Variants in DTNBP1 observed in about 807,000 individuals in gnomAD.
DTNBP1 encodes dystrobrevin binding protein 1.
In DTNBP1, 35 loss-of-function variants were observed where a neutral mutation model predicts 42.8. The observed-to-expected ratio is 0.82, with a 90% confidence interval of 0.63 to 1.09. The LOEUF (loss-of-function observed/expected upper bound fraction) is 1.09. Ranked by LOEUF, DTNBP1 falls within the 50% of genes least tolerant of loss-of-function variation. The probability of loss-of-function intolerance (pLI) is 0.00; values close to 1 mark genes in which losing one functional copy is unlikely to be tolerated. For missense variants in DTNBP1, 457 were observed against 424.2 expected, an observed-to-expected ratio of 1.08 and a Z score of -0.68; for synonymous variants, 171 against 162.2, an observed-to-expected ratio of 1.05 and a Z score of -0.41.
intron 7 of DTNBP1, among the ~76,000 whole-genome samples, chr6:15,539,714 C>T (rs764050581): frequency 2.7e-4 from 41 of 152,310 alleles, no homozygotes; most frequent in South Asian, 4.1e-4. Context: ...CCTGGTACGA[C>T]GGCACATCCT....
chr6:15,562,750 A>G (rs1405820337), intron 7 of DTNBP1, among the ~76,000 whole-genome samples: 1 of 152,186 alleles, frequency 6.6e-6, no homozygotes, highest in Non-Finnish European at 1.5e-5. Context: ...ATAATCTCTG[A>G]CCATGCAGTA....
chr6:15,543,102 A>C (rs1773672761), intron 7 of DTNBP1, among the ~76,000 whole-genome samples: 1 of 152,164 alleles, frequency 6.6e-6, no homozygotes, highest in Admixed American at 6.5e-5. Flanking sequence ...AATAGGGTGA[A>C]AGTCCCTATT....
intron 1 of DTNBP1, 39 bp downstream of exon 1, chr6:15,662,775 C>T: frequency 6.2e-7 from 1 of 1,611,408 alleles, no homozygotes. Flanking sequence ...GGCGGCCCGG[C>T]CCCCTCAGGT....
At chr6:15,580,482 T>G (rs753658984) in intron 7 of DTNBP1, among the ~76,000 whole-genome samples, 2 of 152,210 alleles carry the variant, frequency 1.3e-5, no homozygotes, top group Non-Finnish European at 2.9e-5. Context: ...AAGTTATGCT[T>G]AGCATAAAAC....
At chr6:15,633,325 C>T (rs147581080) in intron 4 of DTNBP1, among the ~76,000 whole-genome samples, 2 of 152,248 alleles carry the variant, frequency 1.3e-5, no homozygotes, top group Non-Finnish European at 2.9e-5. Context: ...TTGATCTGAG[C>T]AAACTAAATT....
At chr6:15,524,162 G>A (rs1168055567) in intron 9 of DTNBP1, 6 of 1,429,822 alleles carry the variant, frequency 4.2e-6, no homozygotes, top group Non-Finnish European at 5.6e-6. Flanking sequence ...AGAGGGAAGA[G>A]TTTCCCGTGA....
rs148327644 is a variant in DTNBP1 at position 15,638,278 on chromosome 6, C to T, written c.162-474G>A. On this transcript the variant is annotated intron_variant, in intron 3 of 9. Coordinates refer to ENST00000344537, the MANE Select transcript of DTNBP1 (RefSeq NM_032122.5). The stretch of plus-strand genomic sequence containing the variant: ...GAGTAGCTGGGATTACAGGTGTGTG[C>T]CACCACGCCCTGCTAATTTTTGTAT... Among the ~76,000 whole-genome samples the T allele has an allele frequency of 7.4e-3, 1,121 of 152,140 alleles. 21 individuals carry two copies. Among genetic ancestry groups the T allele is most frequent in the African/African-American group, 0.026 (1,063 of 41,482 alleles).
At chr6:15,600,087 C>T (rs1473988879) in intron 6 of DTNBP1, among the ~76,000 whole-genome samples, 1 of 151,904 alleles carries the variant, frequency 6.6e-6, no homozygotes, top group African/African-American at 2.4e-5. Flanking sequence ...AAATATATTC[C>T]TGATCAAGCG....
chr6:15,609,643 C>T (rs73371573), intron 6 of DTNBP1, among the ~76,000 whole-genome samples: 16,144 of 152,104 alleles, frequency 0.11, 944 homozygotes, highest in Middle Eastern at 0.22. Flanking sequence ...TCTTCTGCTC[C>T]TCAGTCTCTC....
intron 4 of DTNBP1, among the ~76,000 whole-genome samples, chr6:15,633,858 T>A (rs185260346): frequency 6.6e-6 from 1 of 152,198 alleles, no homozygotes; most frequent in Non-Finnish European, 1.5e-5. Context: ...GCTCAGGCAA[T>A]TGTCAGCATT....
chr6:15,602,242 C>T (rs1273224516), intron 6 of DTNBP1, among the ~76,000 whole-genome samples: 3 of 152,010 alleles, frequency 2.0e-5, no homozygotes, highest in South Asian at 2.1e-4. Context: ...ATAGAAAAAA[C>T]GGGGCCAACA....
intron 1 of DTNBP1, among the ~76,000 whole-genome samples, chr6:15,662,290 G>A (rs1183672206): frequency 1.3e-5 from 2 of 152,226 alleles, no homozygotes; most frequent in African/African-American, 2.4e-5. Context: ...CCAAGGGTTA[G>A]GCCGGCGAGC....
chr6:15,544,814 T>C (rs1375968889), intron 7 of DTNBP1, among the ~76,000 whole-genome samples: 2 of 152,244 alleles, frequency 1.3e-5, no homozygotes, highest in Non-Finnish European at 2.9e-5. Flanking sequence ...TTGTACAGAC[T>C]GTTTCCTTTT....
intron 7 of DTNBP1, among the ~76,000 whole-genome samples, chr6:15,589,348 C>A (rs1776203164): frequency 6.6e-6 from 1 of 152,252 alleles, no homozygotes; most frequent in Non-Finnish European, 1.5e-5. Context: ...TCTTTGACCA[C>A]AAGATCCACC....
intron 7 of DTNBP1, among the ~76,000 whole-genome samples, chr6:15,558,001 G>A (rs1377997470): frequency 6.6e-6 from 1 of 151,856 alleles, no homozygotes; most frequent in Non-Finnish European, 1.5e-5. Context: ...ATGAAGTTGT[G>A]TTTGGCTTTC....
intron 2 of DTNBP1, 117 bp downstream of exon 2, chr6:15,651,970 T>C (rs904588976): frequency 6.5e-5 from 53 of 818,452 alleles, no homozygotes; most frequent in Non-Finnish European, 9.7e-5. Flanking sequence ...AATTATTTTG[T>C]AGTCAGATGC....
Position 15,569,361 on chromosome 6 carries a change from C to A in DTNBP1, c.511+23698G>T, listed in dbSNP as rs867634651. The stretch of plus-strand genomic sequence containing the variant: ...GAAGTCAGCCAGTTAAGACCCCCCC[C>A]CGCCCGCCCCGACAGGAACGAAATC... On this transcript the variant is annotated intron_variant, in intron 7 of 9. Transcript: ENST00000344537. Among the ~76,000 whole-genome samples, 40 of 138,780 alleles carry A rather than the reference C, an allele frequency of 2.9e-4. 1 individual carries two copies. Among genetic ancestry groups the A allele is most frequent in the Admixed American group, 9.3e-4 (13 of 13,998 alleles). The allele number at this position is 138,780 out of a possible 152,430, so 91.0% of individuals were successfully genotyped here.
intron 3 of DTNBP1, among the ~76,000 whole-genome samples, chr6:15,645,950 T>C (rs905861688): frequency 2.0e-5 from 3 of 151,786 alleles, no homozygotes; most frequent in Non-Finnish European, 4.4e-5. Flanking sequence ...CAATCAAGCA[T>C]GAGAAAGAAA....
At chr6:15,646,913 T>C (rs1214541890) in intron 3 of DTNBP1, among the ~76,000 whole-genome samples, 1 of 151,904 alleles carries the variant, frequency 6.6e-6, no homozygotes, top group Non-Finnish European at 1.5e-5. Flanking sequence ...ATAAAAACCC[T>C]AGAAGAAAAC....
Sources: gnomAD v4.1 joint callset for allele counts (sites outside exome capture counted in the v4.1 genomes callset) on GRCh38, gnomAD v4.1.1 for gene constraint, MANE v1.5 for transcripts, NCBI Gene and HGNC (gene_info 2026-07-23, HGNC 2026-07-21) for gene names.